The following SPOCK3 variants were observed in gnomAD, a reference collection of about 807,000 sequenced individuals.
The protein encoded by SPOCK3 is SPARC (osteonectin), cwcv and kazal like domains proteoglycan 3.
A neutral mutation model predicts 56.6 loss-of-function variants in SPOCK3; 30 were observed. The observed-to-expected ratio is 0.53, with a 90% confidence interval of 0.40 to 0.72. The LOEUF (loss-of-function observed/expected upper bound fraction) is 0.72. SPOCK3 is among the 30% of genes least tolerant of loss of function. The pLI is 0.00. For missense variants in SPOCK3, 527 were observed against 530.0 expected, an observed-to-expected ratio of 0.99 and a Z score of 0.06; for synonymous variants, 196 against 183.3, an observed-to-expected ratio of 1.07 and a Z score of -0.56.
chr4:167,027,186 C>G (rs546828622), intron 3 of SPOCK3, among the ~76,000 whole-genome samples: 1 of 152,054 alleles, frequency 6.6e-6, no homozygotes, highest in South Asian at 2.1e-4. Flanking sequence ...CACTGTAACA[C>G]CCTGAAAAAT....
intron 2 of SPOCK3, among the ~76,000 whole-genome samples, chr4:167,133,564 T>C (rs1762867621): frequency 6.6e-6 from 1 of 152,224 alleles, no homozygotes; most frequent in African/African-American, 2.4e-5. Flanking sequence ...GCCTGATTAC[T>C]GTGGTCAGAT....
At chr4:167,080,179 CT>C (rs1477190756) in intron 2 of SPOCK3, among the ~76,000 whole-genome samples, 1 of 152,028 alleles carries the variant, frequency 6.6e-6, no homozygotes, top group Non-Finnish European at 1.5e-5. Context: ...TAATATTCAA[CT>C]GCTTACTCTC....
At chr4:167,044,473 A>T (rs1215733898) in intron 3 of SPOCK3, among the ~76,000 whole-genome samples, 1 of 151,820 alleles carries the variant, frequency 6.6e-6, no homozygotes, top group Admixed American at 6.6e-5. Context: ...CTTCAGACTT[A>T]AATTTCTTTT....
At chr4:166,967,085 C>A (rs890461574) in intron 4 of SPOCK3, among the ~76,000 whole-genome samples, 1 of 152,132 alleles carries the variant, frequency 6.6e-6, no homozygotes, top group Non-Finnish European at 1.5e-5. Flanking sequence ...CTACCCCATG[C>A]TGATTTATGA....
At chr4:166,976,316 C>A (rs1390640702) in intron 4 of SPOCK3, among the ~76,000 whole-genome samples, 1 of 152,146 alleles carries the variant, frequency 6.6e-6, no homozygotes, top group Non-Finnish European at 1.5e-5. Context: ...TCTTTTTTTA[C>A]TTCCTGCACT....
chr4:166,741,653 G>C (rs941798308), intron 9 of SPOCK3, among the ~76,000 whole-genome samples: 3 of 152,052 alleles, frequency 2.0e-5, no homozygotes, highest in African/African-American at 7.2e-5. Flanking sequence ...GCTTTAAATA[G>C]CACATATACA....
chr4:167,000,082 A>G (rs376809107), intron 4 of SPOCK3, among the ~76,000 whole-genome samples: 2 of 152,278 alleles, frequency 1.3e-5, no homozygotes, highest in South Asian at 2.1e-4. Flanking sequence ...AAAAGCACAA[A>G]CAACTAGATA....
At chr4:167,056,343 G>C (rs560248347) in intron 3 of SPOCK3, among the ~76,000 whole-genome samples, 61 of 152,214 alleles carry the variant, frequency 4.0e-4, no homozygotes, top group South Asian at 1.2e-3. Context: ...GGAAAAAACA[G>C]AGCAGAAAAA....
At chr4:167,057,211 A>T (rs1754992496) in intron 3 of SPOCK3, among the ~76,000 whole-genome samples, 1 of 152,186 alleles carries the variant, frequency 6.6e-6, no homozygotes, top group South Asian at 2.1e-4. Flanking sequence ...AGGAGAAATA[A>T]AATACTTTAC....
At chr4:166,773,900 C>A (rs1172459974) in intron 7 of SPOCK3, among the ~76,000 whole-genome samples, 5 of 152,020 alleles carry the variant, frequency 3.3e-5, no homozygotes, top group Non-Finnish European at 7.4e-5. Flanking sequence ...AATCTAAAAC[C>A]ACTCTTTTTT....
intron 2 of SPOCK3, among the ~76,000 whole-genome samples, chr4:167,111,024 C>T (rs1760857257): frequency 1.3e-5 from 2 of 151,780 alleles, no homozygotes; most frequent in South Asian, 2.1e-4. Context: ...CTACTGGACA[C>T]TTACAGGGCC....
intron 6 of SPOCK3, among the ~76,000 whole-genome samples, chr4:166,797,001 C>T (rs948850774): frequency 5.9e-5 from 9 of 152,166 alleles, no homozygotes; most frequent in Non-Finnish European, 8.8e-5. Flanking sequence ...CCTAGGGCCA[C>T]GATGTCCTAG....
intron 2 of SPOCK3, among the ~76,000 whole-genome samples, chr4:167,104,283 T>G (rs1343670947): frequency 6.6e-6 from 1 of 152,160 alleles, no homozygotes; most frequent in Admixed American, 6.6e-5. Flanking sequence ...TATGTGACAT[T>G]TCTGACAGAG....
chr4:167,000,749 T>A (rs1748870906), intron 3 of SPOCK3, among the ~76,000 whole-genome samples: 1 of 152,182 alleles, frequency 6.6e-6, no homozygotes, highest in Non-Finnish European at 1.5e-5. Flanking sequence ...TCTCTGTAGT[T>A]GCTACTGCCT....
At chr4:167,228,534 A>T (rs1316790785) in intron 2 of SPOCK3, among the ~76,000 whole-genome samples, 1 of 152,200 alleles carries the variant, frequency 6.6e-6, no homozygotes, top group Non-Finnish European at 1.5e-5. Flanking sequence ...AGAAACAAGC[A>T]GATCAGTGGA....
At chr4:167,070,069 T>C (rs977206665) in intron 2 of SPOCK3, among the ~76,000 whole-genome samples, 4 of 152,086 alleles carry the variant, frequency 2.6e-5, no homozygotes, top group Non-Finnish European at 4.4e-5. Context: ...TGTTGAATTA[T>C]TTTTTCCACA....
intron 4 of SPOCK3, among the ~76,000 whole-genome samples, chr4:166,949,569 T>C (rs1385513355): frequency 6.6e-6 from 1 of 152,188 alleles, no homozygotes; most frequent in African/African-American, 2.4e-5. Context: ...GACAGGACCC[T>C]TAGCTGCACG....
chr4:166,754,771 A>G, intron 7 of SPOCK3, 42 bp from the exon 8 acceptor site: 4 of 1,603,892 alleles, frequency 2.5e-6, no homozygotes, highest in Non-Finnish European at 3.4e-6. Flanking sequence ...AATATGAAAG[A>G]CACCATTAGC....
At chr4:166,995,464 T>C (rs1249957022) in intron 4 of SPOCK3, among the ~76,000 whole-genome samples, 1 of 152,020 alleles carries the variant, frequency 6.6e-6, no homozygotes, top group Non-Finnish European at 1.5e-5. Context: ...TAAGTATCTA[T>C]AAACATCTGT....
Sources: gnomAD v4.1 joint callset for allele counts (sites outside exome capture counted in the v4.1 genomes callset) on GRCh38, gnomAD v4.1.1 for gene constraint, MANE v1.5 for transcripts, NCBI Gene and HGNC (gene_info 2026-07-23, HGNC 2026-07-21) for gene names.